The following STK3 variants were observed in gnomAD, a reference collection of about 807,000 sequenced individuals.
STK3 encodes the protein serine/threonine kinase 3.
STK3 carries 41 observed loss-of-function variants against 58.0 expected under a neutral mutation model. That is an observed-to-expected ratio of 0.71 (90% CI 0.55 to 0.92). The LOEUF is 0.92. Among genes scored for constraint, STK3 ranks in the 40% least tolerant of loss-of-function variants. STK3 has a pLI of 0.00. For missense variants in STK3, 479 were observed against 602.7 expected (o/e 0.79, Z 2.15); for synonymous variants, 170 against 191.0 (o/e 0.89, Z 0.91).
intron 3 of STK3, among the ~76,000 whole-genome samples, chr8:98,866,396 C>T (rs1468119417): frequency 6.6e-6 from 1 of 152,140 alleles, no homozygotes; most frequent in Admixed American, 6.5e-5. Flanking sequence ...AGCCCTCAAC[C>T]CAGCTGAATA....
intron 6 of STK3, among the ~76,000 whole-genome samples, chr8:98,605,461 A>G (rs764172018): frequency 6.7e-4 from 91 of 136,094 alleles, no homozygotes; most frequent in Non-Finnish European, 7.3e-4. Flanking sequence ...TTTGAGGCAG[A>G]GTTTCACTCT....
intron 6 of STK3, among the ~76,000 whole-genome samples, chr8:98,679,612 C>T (rs1823479241): frequency 6.6e-6 from 1 of 152,150 alleles, no homozygotes; most frequent in Non-Finnish European, 1.5e-5. Context: ...GTTTTTCCTG[C>T]TGCTGCATCC....
At chr8:98,538,893 A>C (rs918010203) in intron 9 of STK3, among the ~76,000 whole-genome samples, 41 of 152,232 alleles carry the variant, frequency 2.7e-4, no homozygotes, top group African/African-American at 8.7e-4. Flanking sequence ...CTGCAGCCAC[A>C]CCTTACCTGG....
chr8:98,931,076 C>T (rs753298334), intron 1 of STK3, among the ~76,000 whole-genome samples: 2 of 152,186 alleles, frequency 1.3e-5, no homozygotes, highest in Non-Finnish European at 2.9e-5. Flanking sequence ...TGGATGTGCC[C>T]TGCCACAGAG....
chr8:98,459,659 G>T (rs890158303), intron 10 of STK3, among the ~76,000 whole-genome samples: 1 of 152,200 alleles, frequency 6.6e-6, no homozygotes, highest in Non-Finnish European at 1.5e-5. Context: ...CAGGGGCCCT[G>T]CTACTCTGTG....
chr8:98,547,937 A>C, intron 9 of STK3, 32 bp downstream of exon 9: 1 of 1,488,730 alleles, frequency 6.7e-7, no homozygotes. Context: ...TCGAATTAGA[A>C]AACTAATATT....
At chr8:98,464,540 T>TA in intron 10 of STK3, among the ~76,000 whole-genome samples, 18,915 of 69,306 alleles carry the variant, frequency 0.27, 2,036 homozygotes, top group Admixed American at 0.38. Flanking sequence ...TACTTAAAGT[T>TA]AAAAAAAAAA....
intron 1 of STK3, among the ~76,000 whole-genome samples, chr8:98,798,590 C>T (rs1833328471): frequency 6.6e-6 from 1 of 152,190 alleles, no homozygotes; most frequent in Non-Finnish European, 1.5e-5. Flanking sequence ...CTTAGGCAGA[C>T]ATACTCTAGA....
intron 6 of STK3, among the ~76,000 whole-genome samples, chr8:98,615,129 A>G (rs562504587): frequency 5.9e-4 from 88 of 149,950 alleles, no homozygotes; most frequent in African/African-American, 1.6e-3. Flanking sequence ...CGGGCAGACT[A>G]CCTCCTCAAG....
chr8:98,769,247 G>C (rs1831139289), intron 2 of STK3, among the ~76,000 whole-genome samples: 1 of 152,148 alleles, frequency 6.6e-6, no homozygotes, highest in South Asian at 2.1e-4. Context: ...ATATGGTTTG[G>C]CTATGTCCCA....
intron 3 of STK3, among the ~76,000 whole-genome samples, chr8:98,407,460 G>A (rs139402532): frequency 6.2e-4 from 95 of 152,370 alleles, no homozygotes; most frequent in Non-Finnish European, 1.1e-3. Flanking sequence ...GAGGCCAAAC[G>A]CCATGCGTAA....
chr8:98,646,463 A>G (rs1820402541), intron 6 of STK3, among the ~76,000 whole-genome samples: 2 of 152,198 alleles, frequency 1.3e-5, no homozygotes, highest in Admixed American at 6.5e-5. Context: ...TAGTAACTCT[A>G]TTCAGAGCTA....
chr8:98,906,423 G>A (rs1838903954), intron 1 of STK3: 1 of 152,242 alleles, frequency 6.6e-6, no homozygotes, highest in Admixed American at 6.5e-5. Flanking sequence ...CGCTTGTTCA[G>A]TAGTAGTTCT....
intron 4 of STK3, among the ~76,000 whole-genome samples, chr8:98,738,899 T>C (rs542144464): frequency 6.6e-6 from 1 of 152,348 alleles, no homozygotes; most frequent in East Asian, 1.9e-4. Context: ...AATACTGCGC[T>C]TTTCCGACGC....
chr8:98,428,282 C>G lies in STK3; in HGVS notation n.483+5845G>C, dbSNP rs1563599710. ...TGGCTGAGCTATGTGTCTTCTCCTT[C>G]AGCCAGGAGATCGAGTACTGGGGCA... is the stretch of plus-strand genomic sequence containing the variant. On this transcript the variant is annotated intron_variant and non_coding_transcript_variant, in intron 3 of 3. Coordinates refer to the STK3 transcript ENST00000517832. The surrounding 1 kb of genome is among the most constrained non-coding windows in gnomAD (Gnocchi z 6.7). The G allele has an allele frequency of 3.1e-6, 5 of 1,614,016 alleles. No individual in the cohort carries two copies. The highest frequency in any genetic ancestry group is 4.2e-6 in the Non-Finnish European group (5 of 1,180,040).
intron 1 of STK3, among the ~76,000 whole-genome samples, chr8:98,449,511 C>T (rs1819102591): frequency 1.3e-5 from 2 of 152,054 alleles, no homozygotes; most frequent in South Asian, 2.1e-4. Context: ...TTTGTAAGGA[C>T]CAAGAACGAT....
intron 6 of STK3, among the ~76,000 whole-genome samples, chr8:98,658,408 T>C: frequency 6.6e-6 from 1 of 151,964 alleles, no homozygotes; most frequent in East Asian, 1.9e-4. Context: ...AGTGACAAAG[T>C]TGCTCAGCAA....
intron 10 of STK3, among the ~76,000 whole-genome samples, chr8:98,491,241 ACAAT>A (rs1341826334): frequency 2.6e-5 from 4 of 152,120 alleles, no homozygotes; most frequent in Non-Finnish European, 5.9e-5. Context: ...TTTTATTAAA[ACAAT>A]CAGACACTTA....
intron 6 of STK3, among the ~76,000 whole-genome samples, chr8:98,692,845 T>G (rs1372458553): frequency 1.3e-5 from 2 of 152,060 alleles, no homozygotes; most frequent in Non-Finnish European, 2.9e-5. Context: ...TTTCTCTATT[T>G]GAAAGAAGAG....
Sources: gnomAD v4.1 joint callset for allele counts (sites outside exome capture counted in the v4.1 genomes callset) on GRCh38, gnomAD v4.1.1 for gene constraint, Gnocchi (gnomAD v3.1) non-coding constraint, MANE v1.5 for transcripts, NCBI Gene and HGNC (gene_info 2026-07-23, HGNC 2026-07-21) for gene names.